The following PUM2 variants were observed in gnomAD, a reference collection of about 807,000 sequenced individuals.
The protein encoded by PUM2 is pumilio homolog 2.
PUM2 carries 57 observed loss-of-function variants against 124.5 expected under a neutral mutation model. That is an observed-to-expected ratio of 0.46 (90% CI 0.37 to 0.57). The LOEUF (loss-of-function observed/expected upper bound fraction) is 0.57. Among genes scored for constraint, PUM2 ranks in the 20% least tolerant of loss-of-function variants. The probability of loss-of-function intolerance (pLI) is 0.00; values close to 1 mark genes in which losing one functional copy is unlikely to be tolerated. For missense variants in PUM2, 1,065 were observed against 1,290.6 expected (o/e 0.83, Z 2.68); for synonymous variants, 460 against 446.1 (o/e 1.03, Z -0.39).
chr2:20,284,170 G>A (rs1672183547), intron 10 of PUM2, among the ~76,000 whole-genome samples: 1 of 152,162 alleles, frequency 6.6e-6, no homozygotes, highest in Admixed American at 6.5e-5. Flanking sequence ...ATTCTCCTAA[G>A]GATGGTATAT....
Position 20,315,432 on chromosome 2 carries a change from T to C in PUM2, c.161-3009A>G, listed in dbSNP as rs187298598. Among the ~76,000 whole-genome samples, 181 of 152,282 alleles carry C rather than the reference T, an allele frequency of 1.2e-3. 1 individual carries two copies. The highest frequency in any genetic ancestry group is 0.01 in the South Asian group (50 of 4,820). On this transcript the variant is annotated intron_variant, in intron 3 of 20. Coordinates refer to ENST00000361078, the MANE Select transcript of PUM2 (RefSeq NM_015317.5). The stretch of plus-strand genomic sequence containing the variant: ...CAAGAAGGTGTTATGCATATTTTTA[T>C]GTGTCTGGCATTCAATAAATGTTTG...
chr2:20,275,622 G>A (rs1287822490), intron 13 of PUM2, among the ~76,000 whole-genome samples: 4 of 152,014 alleles, frequency 2.6e-5, no homozygotes, highest in African/African-American at 9.7e-5. Flanking sequence ...CGTGTCTCCC[G>A]ATACAGTGCA....
intron 7 of PUM2, among the ~76,000 whole-genome samples, chr2:20,302,113 G>A (rs926255914): frequency 6.6e-6 from 1 of 152,150 alleles, no homozygotes; most frequent in African/African-American, 2.4e-5. Context: ...TCACTATGTT[G>A]CAGAGTTCAG....
intron 1 of PUM2, among the ~76,000 whole-genome samples, chr2:20,349,898 G>A (rs1272943389): frequency 1.3e-5 from 2 of 152,172 alleles, no homozygotes; most frequent in Non-Finnish European, 2.9e-5. Context: ...TTCTCTGGCT[G>A]TGTTTTCAGA....
chr2:20,350,617 G>C lies in PUM2; in HGVS notation c.-39C>G, dbSNP rs1022878441. On this transcript the variant is annotated 5_prime_UTR_variant, in exon 1 of 21. Coordinates refer to ENST00000361078, the MANE Select transcript of PUM2 (RefSeq NM_015317.5). ...CTTACAGGGCTGCTGCGGCCGCGCTGCCTCAGCCGGGGACACCGACCGTTG... is the reference window on the plus strand; with the variant it reads ...CTTACAGGGCTGCTGCGGCCGCGCTCCCTCAGCCGGGGACACCGACCGTTG... 2.0e-6 allele frequency: 2 copies of C among 985,380 alleles called. No individual in the cohort carries two copies. The highest frequency in any genetic ancestry group is 2.4e-6 in the Non-Finnish European group (2 of 830,002). 61.0% of individuals were successfully genotyped at this position (985,380 alleles called of 1,614,324 possible).
chr2:20,293,319 A>G (rs1572756938), intron 9 of PUM2, among the ~76,000 whole-genome samples: 1 of 152,258 alleles, frequency 6.6e-6, no homozygotes, highest in East Asian at 1.9e-4. Context: ...ACATTTGTCC[A>G]AACATACAGA....
chr2:20,330,739 G>T lies in PUM2; in HGVS notation c.-18-3361C>A, dbSNP rs537892788. ...CTAGCAAATTAATTGACCAAAGAAG[G>T]TCAGAGGAACACCTGATTTACAGCT... On this transcript the variant is annotated intron_variant, in intron 1 of 20. Coordinates refer to ENST00000361078, the MANE Select transcript of PUM2 (RefSeq NM_015317.5). Among the ~76,000 whole-genome samples the T allele has an allele frequency of 2.0e-4, 30 of 152,328 alleles. 1 individual carries two copies. In the South Asian group the frequency reaches 6.2e-3, roughly 32 times the overall value.
chr2:20,329,435 CAAAA>C (rs112041256), intron 1 of PUM2, among the ~76,000 whole-genome samples: 3 of 63,340 alleles, frequency 4.7e-5, no homozygotes, highest in Non-Finnish European at 6.9e-5. Flanking sequence ...CCCCTCATCT[CAAAA>C]AAAAAAAAAA....
rs1272427811 is a variant in PUM2 at position 20,285,947 on chromosome 2, G to A, written c.1292-2461C>T. Among the ~76,000 whole-genome samples the A allele has an allele frequency of 6.6e-5, 10 of 152,190 alleles. 1 individual carries two copies. The highest frequency in any genetic ancestry group is 6.5e-4 in the Admixed American group (10 of 15,286). On this transcript the variant is annotated intron_variant, in intron 10 of 20. Coordinates refer to ENST00000361078, the MANE Select transcript of PUM2 (RefSeq NM_015317.5). ...GAGGAAAAATCTAAAGAAACTGGGA[G>A]AACTAGTCAAGCAGATATCTGTAGG... is the stretch of plus-strand genomic sequence containing the variant.
In PUM2 at chr2:20,278,619, G is replaced by A. The variant is rs754432085; in HGVS notation, c.1921C>T (p.Leu641Phe). ...CTGGATGAGGATCCATGTGATGAAA[G>A]TGATGGCGGTGGCGTAAGTGAATGT... ...PGHSLTPPPSLSSHGSSSSLH... is the reference protein window; with the variant it reads ...PGHSLTPPPSFSSHGSSSSLH... The change falls in exon 13 of 21, where the codon CTT (leucine) becomes TTT (phenylalanine). Residue 641 changes from leucine to phenylalanine, a missense_variant. By Grantham distance (22) the Leu-to-Phe change is conservative. Around this residue, in one of 3 missense-constraint regions of PUM2, gnomAD observed 968 missense variants for 1,159.8 expected, o/e 0.83. Transcript: ENST00000361078. 27 of 1,613,116 alleles carry A rather than the reference G, an allele frequency of 1.7e-5. No homozygotes were observed. The South Asian group carries it at 1.8e-4, about 10-fold the overall frequency.
rs1434146973 is a variant in PUM2 at position 20,290,760 on chromosome 2, G to A, written c.1183C>T (p.Leu395Phe). The part of the protein sequence containing the change: ...VLRAGAGQRP[L>F]TPNQGQQGQQ... ...CCTTGCTGACCCTGATTGGGAGTAAGAGGACGCTGACCTGCTCCAGCACGG... is the reference window on the plus strand; with the variant it reads ...CCTTGCTGACCCTGATTGGGAGTAAAAGGACGCTGACCTGCTCCAGCACGG... The change falls in exon 10 of 21, where the codon CTT becomes TTT. Residue 395 changes from leucine to phenylalanine, a missense_variant. Coordinates refer to ENST00000361078, the MANE Select transcript of PUM2 (RefSeq NM_015317.5). The A allele has an allele frequency of 6.2e-7, 1 of 1,612,102 alleles. No homozygotes were observed. The highest frequency in any genetic ancestry group is 8.5e-7 in the Non-Finnish European group (1 of 1,179,542).
intron 13 of PUM2, among the ~76,000 whole-genome samples, chr2:20,268,038 A>G (rs1233554033): frequency 6.6e-6 from 1 of 152,076 alleles, no homozygotes; most frequent in African/African-American, 2.4e-5. Context: ...GTGCTGGGGG[A>G]GACCGTAAGT....
At chr2:20,276,527 T>C (rs1349558911) in intron 13 of PUM2, among the ~76,000 whole-genome samples, 1 of 151,814 alleles carries the variant, frequency 6.6e-6, no homozygotes, top group Non-Finnish European at 1.5e-5. Flanking sequence ...CTCAGTAAAA[T>C]TACTTTAAAA....
chr2:20,345,969 C>G (rs1688174991), intron 1 of PUM2, among the ~76,000 whole-genome samples: 1 of 152,198 alleles, frequency 6.6e-6, no homozygotes, highest in South Asian at 2.1e-4. Flanking sequence ...TGAATATTTT[C>G]TCAACCACGA....
At chr2:20,301,725 C>T (rs528802432) in intron 7 of PUM2, among the ~76,000 whole-genome samples, 130 of 152,194 alleles carry the variant, frequency 8.5e-4, no homozygotes, top group African/African-American at 3.1e-3. Context: ...GTAGCTAGGA[C>T]TACAGGTACG....
chr2:20,262,893 A>AC (rs1246609492), intron 14 of PUM2, among the ~76,000 whole-genome samples: 1 of 152,226 alleles, frequency 6.6e-6, no homozygotes, highest in Non-Finnish European at 1.5e-5. Flanking sequence ...CATGAGGGTC[A>AC]CTTAAGCCCA....
At chr2:20,326,471 A>C in intron 2 of PUM2, 2 of 1,199,016 alleles carry the variant, frequency 1.7e-6, no homozygotes, top group Non-Finnish European at 2.2e-6. Context: ...CAAGCAGTTA[A>C]TTACACATCT....
At chr2:20,306,198 T>C (rs1261311890) in intron 7 of PUM2, among the ~76,000 whole-genome samples, 1 of 151,984 alleles carries the variant, frequency 6.6e-6, no homozygotes, top group South Asian at 2.1e-4. Flanking sequence ...CAACAAGACC[T>C]CCTTGTCAAA....
chr2:20,274,275 T>G (rs935457455), intron 13 of PUM2, among the ~76,000 whole-genome samples: 3 of 152,148 alleles, frequency 2.0e-5, no homozygotes, highest in Admixed American at 6.5e-5. Flanking sequence ...AGGATAACAG[T>G]ATTTTCAGTG....
Sources: gnomAD v4.1 joint callset for allele counts (sites outside exome capture counted in the v4.1 genomes callset) on GRCh38, gnomAD v4.1.1 for gene constraint, gnomAD v4.1.1 regional missense constraint, MANE v1.5 for transcripts, NCBI Gene and HGNC (gene_info 2026-07-23, HGNC 2026-07-21) for gene names.